The following PGM3 variants were observed in gnomAD, a reference collection of about 807,000 sequenced individuals.
PGM3 encodes the protein phosphoglucomutase 3, also known as phosphoacetylglucosamine mutase.
PGM3 carries 40 observed loss-of-function variants against 66.2 expected under a neutral mutation model. The ratio of observed to expected loss-of-function variants is 0.60; its 90% confidence interval spans 0.47 to 0.79. The LOEUF is 0.79. PGM3 is among the 30% of genes least tolerant of loss of function. PGM3 has a pLI of 0.00. For synonymous variants in PGM3, 191 were observed against 224.2 expected (o/e 0.85, Z 1.32); for missense variants, 537 against 643.4 (o/e 0.83, Z 1.79).
chr6:83,157,406 T>G, downstream of PGM3: 15 of 1,393,458 alleles, frequency 1.1e-5, no homozygotes, highest in Non-Finnish European at 1.5e-5. Flanking sequence ...TTAACGAATA[T>G]TGGGAGAGAA....
chr6:83,167,155 T>A lies in PGM3; in HGVS notation c.*2079A>T, dbSNP rs1050756450. On this transcript the variant is annotated 3_prime_UTR_variant, in exon 13 of 13. Coordinates refer to ENST00000513973, the MANE Select transcript of PGM3 (RefSeq NM_015599.3). ...TTGACTTCTCTACTAAAAGGTAGTT[T>A]TAGACTGTCCCATTTTATAAGTGAG... The A allele has an allele frequency of 2.2e-6, 2 of 919,664 alleles. No homozygotes were observed. Among genetic ancestry groups the A allele is most frequent in the African/African-American group, 3.6e-5 (2 of 55,914 alleles). 57.0% of individuals were successfully genotyped at this position (919,664 alleles called of 1,614,324 possible).
the PGM3 span, among the ~76,000 whole-genome samples, chr6:83,152,664 C>G: frequency 6.8e-6 from 1 of 146,772 alleles, no homozygotes; most frequent in South Asian, 2.1e-4. Flanking sequence ...GTTGCCCAGG[C>G]TGGAGTCAAG....
chr6:83,162,693 G>A, downstream of PGM3: 5 of 1,351,160 alleles, frequency 3.7e-6, no homozygotes, highest in Non-Finnish European at 4.9e-6. Context: ...ATTTTTATAA[G>A]CAGTGGGGTC....
rs771539938 is a variant in PGM3, at chr6:83,168,118, T to C, written c.*1116A>G. ...TGTTCCAGCAAAGCCAGGCAAAAAA[T>C]AGAAGAGATGGTAGAAAAAGATTTT... is the stretch of plus-strand genomic sequence containing the variant. On this transcript the variant is annotated 3_prime_UTR_variant, in exon 13 of 13. Transcript: ENST00000513973. 10 of 1,613,688 alleles carry C rather than the reference T, an allele frequency of 6.2e-6. No individual in the cohort carries two copies. In the Middle Eastern group the frequency reaches 6.6e-4, roughly 106 times the overall value.
At chr6:83,183,580 C>G (rs1788352353) in intron 4 of PGM3, among the ~76,000 whole-genome samples, 1 of 152,112 alleles carries the variant, frequency 6.6e-6, no homozygotes, top group Admixed American at 6.5e-5. Context: ...ATTAATCACC[C>G]CATGTCACCA....
chr6:83,152,927 G>T, the PGM3 span, among the ~76,000 whole-genome samples: 1 of 152,026 alleles, frequency 6.6e-6, no homozygotes, highest in South Asian at 2.1e-4. Context: ...CTGGGGAGGG[G>T]TGGAGGTGAT....
intron 4 of PGM3, among the ~76,000 whole-genome samples, chr6:83,186,787 A>G (rs1788613131): frequency 7.0e-6 from 1 of 143,028 alleles, no homozygotes; most frequent in African/African-American, 2.6e-5. Context: ...TTTCCCAGCT[A>G]TAATCTCCTA....
intron 5 of PGM3, 33 bp from the exon 6 acceptor site, chr6:83,181,964 T>G: frequency 6.9e-7 from 1 of 1,442,710 alleles, no homozygotes; most frequent in Non-Finnish European, 9.4e-7. Flanking sequence ...GAAGAAAAAT[T>G]TCAAGTTATA....
At chr6:83,162,454 T>C (rs989233163), downstream of PGM3, among the ~76,000 whole-genome samples, 2 of 152,162 alleles carry the variant, frequency 1.3e-5, no homozygotes, top group Non-Finnish European at 2.9e-5. Context: ...TGAAAACATC[T>C]TCCTTTTAAG....
At chr6:83,158,324 ACT>A (rs1783329749), downstream of PGM3, among the ~76,000 whole-genome samples, 1 of 151,844 alleles carries the variant, frequency 6.6e-6, no homozygotes, top group Non-Finnish European at 1.5e-5. Flanking sequence ...TTAATAACTA[ACT>A]CTGTTCCATA....
intron 9 of PGM3, among the ~76,000 whole-genome samples, 153 bp downstream of exon 9, chr6:83,175,809 A>T (rs2128490824): frequency 6.6e-6 from 1 of 152,352 alleles, no homozygotes; most frequent in Admixed American, 6.5e-5. Flanking sequence ...ACAGTTTCAT[A>T]ATACATCAAT....
chr6:83,177,992 A>G (rs72905810), intron 8 of PGM3, among the ~76,000 whole-genome samples: 1,827 of 152,204 alleles, frequency 0.012, 20 homozygotes, highest in Non-Finnish European at 0.018. Flanking sequence ...GTTGAGCCCA[A>G]TCTTTCTCCT....
At chr6:83,188,856 A>G in intron 2 of PGM3, 58 bp from the exon 3 acceptor site, 2 of 1,447,840 alleles carry the variant, frequency 1.4e-6, no homozygotes, top group Non-Finnish European at 1.9e-6. Flanking sequence ...TGAGTTGAGA[A>G]CAGAACTCAA....
chr6:83,155,822 G>A, the PGM3 span: 3 of 1,057,268 alleles, frequency 2.8e-6, no homozygotes, highest in Admixed American at 5.5e-5. Context: ...CCCAGAGAGG[G>A]GCATCAAGTT....
chr6:83,187,054 T>A lies in PGM3; in HGVS notation c.411A>T (p.Ser137=), dbSNP rs2092650. 2.5e-6 allele frequency: 4 copies of A among 1,601,950 alleles called. No homozygotes were observed. The highest frequency in any genetic ancestry group is 3.4e-6 in the Non-Finnish European group (4 of 1,169,260). ...CAGTCACACCATCTATTACAGATTG[T>A]GAAAGTTTCTCACTGCTGGGCCTAG... is the stretch of plus-strand genomic sequence containing the variant. The part of the protein sequence containing the change: ...RDTRPSSEKL[S]QSVIDGVTVL... The change falls in exon 4 of 13, where the codon TCA becomes TCT. Residue 137 remains serine, a synonymous_variant. Transcript: ENST00000513973.
the PGM3 span, chr6:83,153,492 AT>A: frequency 6.5e-7 from 1 of 1,543,052 alleles, no homozygotes. Flanking sequence ...GTTACTCTTC[AT>A]TTTTTATGTT....
At position 83,167,140 on chromosome 6, in the gene PGM3, T is replaced by A; in HGVS notation, c.*2094A>T. On this transcript the variant is annotated 3_prime_UTR_variant, in exon 13 of 13. Coordinates refer to ENST00000513973, the MANE Select transcript of PGM3 (RefSeq NM_015599.3). ...CACATACCTTCTCATTTGACTTCTC[T>A]ACTAAAAGGTAGTTTTAGACTGTCC... The A allele has an allele frequency of 1.1e-6, 1 of 929,148 alleles. No homozygotes were observed. The highest frequency in any genetic ancestry group is 1.3e-6 in the Non-Finnish European group (1 of 778,576). 57.6% of individuals were successfully genotyped at this position (929,148 alleles called of 1,614,324 possible).
At chr6:83,174,684 T>C (rs1787622350) in intron 9 of PGM3, among the ~76,000 whole-genome samples, 197 bp from the exon 10 acceptor site, 2 of 152,314 alleles carry the variant, frequency 1.3e-5, no homozygotes, top group South Asian at 2.1e-4. Flanking sequence ...GGGAAAAATT[T>C]TATTTGCGGA....
chr6:83,187,820 T>TA (rs1329424006), intron 3 of PGM3, among the ~76,000 whole-genome samples: 3 of 151,986 alleles, frequency 2.0e-5, no homozygotes, highest in East Asian at 1.9e-4. Flanking sequence ...TAAAAAATAA[T>TA]AAAAAAACTG....
Sources: allele counts gnomAD v4.1 joint callset (sites outside exome capture counted in the v4.1 genomes callset), GRCh38; gene constraint gnomAD v4.1.1; transcripts MANE v1.5; gene names NCBI Gene and HGNC (gene_info 2026-07-23, HGNC 2026-07-21).